The following ZNF653 variants were observed in gnomAD, a reference collection of about 807,000 sequenced individuals.
ZNF653 encodes the protein 67 kDa zinc finger protein.
In ZNF653, 37 loss-of-function variants were observed where a neutral mutation model predicts 59.9. The observed-to-expected ratio is 0.62, with a 90% CI of 0.48 to 0.81. The LOEUF (loss-of-function observed/expected upper bound fraction) is 0.81. Among genes scored for constraint, ZNF653 ranks in the 40% least tolerant of loss-of-function variants. The pLI is 0.00. For missense variants in ZNF653, 808 were observed against 881.1 expected, an observed-to-expected ratio of 0.92 and a Z score of 1.05; for synonymous variants, 435 against 371.8, an observed-to-expected ratio of 1.17 and a Z score of -1.96.
rs200864865 is a variant in ZNF653, at chr19:11,496,032, C to T, written c.477G>A (p.Gln159=). 1.9e-6 allele frequency: 3 copies of T among 1,614,166 alleles called. No individual in the cohort carries two copies. Among genetic ancestry groups the T allele is most frequent in the Non-Finnish European group, 2.5e-6 (3 of 1,180,016 alleles). The stretch of plus-strand genomic sequence containing the variant: ...GGAAGTAGCGGTGGCCAGCTTCGCA[C>T]TGCCACACGGCCGTGGTGTACAGGC... The part of the protein sequence containing the change: ...TFGLYTTAVW[Q]CEAGHRYFQD... Residue 159 remains glutamine, a synonymous_variant, in exon 3 of 9, where the codon CAG becomes CAA. Transcript: ENST00000293771.
At chr19:11,491,713 A>T (rs1399634787) in intron 3 of ZNF653, among the ~76,000 whole-genome samples, 2 of 151,572 alleles carry the variant, frequency 1.3e-5, no homozygotes, top group African/African-American at 4.8e-5. Flanking sequence ...TCAGCCTCCC[A>T]AGTAGCTGGG....
At chr19:11,488,744 A>C (rs1216199029) in intron 3 of ZNF653, among the ~76,000 whole-genome samples, 2 of 146,490 alleles carry the variant, frequency 1.4e-5, no homozygotes. Flanking sequence ...ACTACAGGCA[A>C]CCGCCACCAC....
rs550907431 is a variant in ZNF653 at position 11,497,604 on chromosome 19, T to C, written c.343+692A>G. Among the ~76,000 whole-genome samples, 6 of 152,292 alleles carry C rather than the reference T, an allele frequency of 3.9e-5. No individual in the cohort carries two copies. The East Asian group carries it at 1.2e-3, about 29-fold the overall frequency. ...GGGAAATGGTATCTGACTCTTGTGA[T>C]GGTCCTGGTCCCTCAGCCAAGTGCG... is the stretch of plus-strand genomic sequence containing the variant. On this transcript the variant is annotated intron_variant, in intron 2 of 8. Coordinates refer to ENST00000293771, the MANE Select transcript of ZNF653 (RefSeq NM_138783.4).
chr19:11,494,737 C>A (rs921897805), intron 3 of ZNF653, among the ~76,000 whole-genome samples: 1 of 152,086 alleles, frequency 6.6e-6, no homozygotes, highest in African/African-American at 2.4e-5. Flanking sequence ...TGAGTTGGGG[C>A]GTAAGTAAGC....
intron 3 of ZNF653, among the ~76,000 whole-genome samples, chr19:11,491,792 T>C (rs1407706623): frequency 6.6e-6 from 1 of 152,052 alleles, no homozygotes; most frequent in Non-Finnish European, 1.5e-5. Context: ...TTAGCCAGGA[T>C]GGTCTCGATC....
At chr19:11,484,414 A>T (rs1015032839) in intron 7 of ZNF653, among the ~76,000 whole-genome samples, 3 of 151,714 alleles carry the variant, frequency 2.0e-5, no homozygotes, top group East Asian at 2.0e-4. Flanking sequence ...GTATATATAT[A>T]TTTTGCGACG....
intron 7 of ZNF653, 138 bp downstream of exon 7, chr19:11,485,518 C>G: frequency 1.6e-6 from 1 of 632,602 alleles, no homozygotes; most frequent in Non-Finnish European, 2.8e-6. Context: ...TTACTGAGGA[C>G]AGGGAGGAGG....
In ZNF653 at chr19:11,484,049, G is replaced by T. The variant is rs1487975079; in HGVS notation, c.1663C>A (p.Pro555Thr). The change falls in exon 8 of 9, where the codon CCC becomes ACC. Residue 555 changes from proline (P) to threonine (T), a missense_variant. Coordinates refer to ENST00000293771, the MANE Select transcript of ZNF653 (RefSeq NM_138783.4). Reference sequence around the variant, plus strand: ...GGGCGGCCTGTCACTCACTGCAGGGGGGTCTCGCCGGTGTGGGTGCGCCGA... The same window carrying T: ...GGGCGGCCTGTCACTCACTGCAGGGTGGTCTCGCCGGTGTGGGTGCGCCGA... ...VHRRTHTGET[P>T]LQCEICGYQC... The T allele has an allele frequency of 6.4e-7, 1 of 1,556,296 alleles. No individual in the cohort carries two copies.
At chr19:11,483,889 G>C in intron 8 of ZNF653, 30 bp from the exon 9 acceptor site, 1 of 1,539,622 alleles carries the variant, frequency 6.5e-7, no homozygotes, top group Non-Finnish European at 8.7e-7. Context: ...GGACGGGGCG[G>C]GGTCAGAGTG....
chr19:11,504,036 T>A (rs1044997634), intron 1 of ZNF653, among the ~76,000 whole-genome samples: 1 of 151,944 alleles, frequency 6.6e-6, no homozygotes, highest in African/African-American at 2.4e-5. Context: ...ACCCACGAGG[T>A]TGAGGCTGCA....
Position 11,505,577 on chromosome 19 carries a change from C to G in ZNF653, c.210G>C (p.Val70=), listed in dbSNP as rs754298014. ...TCCAGCCGCTGCGGCGCCGCAGGTC[C>G]ACCCAGGGCCCGTGCGCCTCGCCCA... ...VYLGEAHGPW[V]DLRRRSGWSD... is the part of the protein sequence containing the mutation. Residue 70 remains valine, a synonymous_variant, in exon 1 of 9, where the codon GTG becomes GTC. Coordinates refer to ENST00000293771, the MANE Select transcript of ZNF653 (RefSeq NM_138783.4). 2.6e-6 allele frequency: 4 copies of G among 1,511,640 alleles called. No homozygotes were observed. The East Asian group carries it at 1.1e-4, about 42-fold the overall frequency. The allele number at this position is 1,511,640 out of a possible 1,614,324, so 93.6% of individuals were successfully genotyped here. A position where few individuals can be genotyped will look rare whatever the true frequency, so the allele number is the denominator to read the frequency against.
In ZNF653 at chr19:11,489,414, A is replaced by ATC. The variant is rs529682222; in HGVS notation, c.560-1513_560-1512dup. On this transcript the variant is annotated intron_variant, in intron 3 of 8. Transcript: ENST00000293771. ...GGGATTCCCCATTTTGGCCAGGCTG[A>ATC]TCTCGAACTTCTGACCTCAGGTGAT... 7.2e-5 allele frequency among the ~76,000 whole-genome samples: 11 copies of ATC among 152,130 alleles called. No individual in the cohort carries two copies. The South Asian group carries it at 2.3e-3, about 32-fold the overall frequency.
intron 3 of ZNF653, among the ~76,000 whole-genome samples, chr19:11,492,251 T>C (rs1458491654): frequency 5.3e-5 from 8 of 151,952 alleles, no homozygotes; most frequent in African/African-American, 1.7e-4. Context: ...TTCACCATAT[T>C]GGACAGGCTG....
intron 3 of ZNF653, among the ~76,000 whole-genome samples, chr19:11,494,811 T>C (rs1458203022): frequency 6.6e-6 from 1 of 152,220 alleles, no homozygotes; most frequent in Non-Finnish European, 1.5e-5. Context: ...AGATCACTCC[T>C]GGGGCTTGGG....
In ZNF653 at chr19:11,486,824, A is replaced by G; in HGVS notation, c.1400T>C (p.Phe467Ser). The change falls in exon 6 of 9, where the codon TTC becomes TCC. Residue 467 changes from phenylalanine to serine, a missense_variant. By Grantham distance (155) the Phe-to-Ser change is radical (BLOSUM62 -2). Coordinates refer to ENST00000293771, the MANE Select transcript of ZNF653 (RefSeq NM_138783.4). ...GCTGCAGCCCTCGTATGGGCAGTGG[A>G]ACATCTCGAGCAGGCCGTCAGCATC... ...VMDADGLLEM[F>S]HCPYEGCSQV... The G allele has an allele frequency of 6.2e-7, 1 of 1,612,278 alleles. No individual in the cohort carries two copies. The highest frequency in any genetic ancestry group is 1.1e-5 in the South Asian group (1 of 90,780).
chr19:11,496,156 C>G lies in ZNF653; in HGVS notation c.353G>C (p.Arg118Pro). Residue 118 changes from arginine to proline, a missense_variant, in exon 3 of 9, where the codon CGC becomes CCC. By Grantham distance (103) the Arg-to-Pro change is moderately radical. Coordinates refer to ENST00000293771, the MANE Select transcript of ZNF653 (RefSeq NM_138783.4). ...CACGTTCTTCAGGCAGTTCACGTTGCGTCGCCGCCCTATGGACACAGGGCC... is the reference window on the plus strand; with the variant it reads ...CACGTTCTTCAGGCAGTTCACGTTGGGTCGCCGCCCTATGGACACAGGGCC... ...KKPKRKKRRR[R>P]NVNCLKNVVI... The G allele has an allele frequency of 1.2e-6, 2 of 1,613,640 alleles. No homozygotes were observed. The highest frequency in any genetic ancestry group is 8.5e-7 in the Non-Finnish European group (1 of 1,179,970).
intron 1 of ZNF653, 36 bp downstream of exon 1, chr19:11,505,452 C>T: frequency 7.1e-7 from 1 of 1,410,280 alleles, no homozygotes. Context: ...CTGGGGGCGT[C>T]TCCTCCCTCC....
chr19:11,489,937 A>G (rs1029158755), intron 3 of ZNF653, among the ~76,000 whole-genome samples: 1 of 152,188 alleles, frequency 6.6e-6, no homozygotes, highest in Non-Finnish European at 1.5e-5. Context: ...AATGGGGTTA[A>G]AGGCCACCCT....
intron 1 of ZNF653, 84 bp downstream of exon 1, chr19:11,505,404 C>T (rs896012673): frequency 6.8e-6 from 9 of 1,316,854 alleles, no homozygotes; most frequent in Non-Finnish European, 8.8e-6. Flanking sequence ...GGGGGCTGGC[C>T]CTAGAAGCGG....
Sources: allele counts gnomAD v4.1 joint callset (sites outside exome capture counted in the v4.1 genomes callset), GRCh38; gene constraint gnomAD v4.1.1; transcripts MANE v1.5; gene names NCBI Gene and HGNC (gene_info 2026-07-23, HGNC 2026-07-21).